Variants in PLD5 observed in about 807,000 individuals in gnomAD.
The protein encoded by PLD5 is inactive phospholipase D5.
A neutral mutation model predicts 61.1 loss-of-function variants in PLD5; 36 were observed. The observed-to-expected ratio is 0.59, with a 90% CI of 0.45 to 0.78. The LOEUF (loss-of-function observed/expected upper bound fraction) is 0.78, where lower values mean the gene tolerates loss of function less well. Among genes scored for constraint, PLD5 ranks in the 30% least tolerant of loss-of-function variants. The pLI is 0.00. For synonymous variants in PLD5, 243 were observed against 242.8 expected (o/e 1.00, Z -0.01); for missense variants, 515 against 644.4 (o/e 0.80, Z 2.17).
intron 6 of PLD5, among the ~76,000 whole-genome samples, chr1:242,115,315 T>C (rs901012034): frequency 1.3e-5 from 2 of 152,110 alleles, no homozygotes; most frequent in Non-Finnish European, 2.9e-5. Flanking sequence ...GCCAAAAAGG[T>C]TGAGGACCAC....
chr1:242,178,195 G>A (rs762068991), intron 5 of PLD5: 7 of 151,992 alleles, frequency 4.6e-5, no homozygotes, highest in African/African-American at 1.7e-4. Flanking sequence ...TATTGTGATC[G>A]CCCATATATA....
chr1:242,396,240 T>C (rs1663566031), intron 1 of PLD5, among the ~76,000 whole-genome samples: 1 of 152,206 alleles, frequency 6.6e-6, no homozygotes, highest in African/African-American at 2.4e-5. Flanking sequence ...GGGACTATCC[T>C]GTGCATTGTA....
At chr1:242,408,953 G>GCTA (rs1664392470) in intron 1 of PLD5, among the ~76,000 whole-genome samples, 1 of 152,020 alleles carries the variant, frequency 6.6e-6, no homozygotes, top group Admixed American at 6.5e-5. Flanking sequence ...TGTAATCCCA[G>GCTA]CTACTCGGGA....
intron 1 of PLD5, among the ~76,000 whole-genome samples, chr1:242,371,430 A>T (rs1661624926): frequency 6.6e-6 from 1 of 152,104 alleles, no homozygotes; most frequent in Non-Finnish European, 1.5e-5. Flanking sequence ...TCCTATTAAC[A>T]TGGGAAGACA....
chr1:242,159,894 A>C (rs1422786911), intron 5 of PLD5, among the ~76,000 whole-genome samples: 1 of 152,168 alleles, frequency 6.6e-6, no homozygotes, highest in African/African-American at 2.4e-5. Context: ...GAAAACTCTA[A>C]GATTGGGTGC....
intron 3 of PLD5, among the ~76,000 whole-genome samples, chr1:242,284,119 C>CTTTTTTTTTTTTTTT (rs565165218): frequency 1.3e-5 from 1 of 75,950 alleles, no homozygotes; most frequent in African/African-American, 5.6e-5. Flanking sequence ...TTTCTTTTTC[C>CTTTTTTTTTTTTTTT]TTTTTTTTTT....
chr1:242,375,973 AT>A (rs1160824970), intron 1 of PLD5, among the ~76,000 whole-genome samples: 2 of 152,188 alleles, frequency 1.3e-5, no homozygotes, highest in African/African-American at 2.4e-5. Context: ...AAGTCAACTG[AT>A]TTTTTTCTGT....
intron 5 of PLD5, among the ~76,000 whole-genome samples, chr1:242,208,427 A>G (rs1464812752): frequency 6.6e-6 from 1 of 152,176 alleles, no homozygotes; most frequent in Admixed American, 6.6e-5. Context: ...GAAGAAACCC[A>G]TTTAAATTAA....
In PLD5 at chr1:242,256,522, C is replaced by T. The variant is rs1421051693; in HGVS notation, c.607+8815G>A. On this transcript the variant is annotated intron_variant, in intron 4 of 9. Transcript: ENST00000536534. The surrounding 1 kb of genome is among the most constrained non-coding windows in gnomAD (Gnocchi z 5.7). ...AGGAACAAACTTAGATTCTTTTGTG[C>T]CCTTCTGTCTTATCCGCCACGTGAG... Among the ~76,000 whole-genome samples the T allele has an allele frequency of 6.6e-6, 1 of 152,112 alleles. No individual in the cohort carries two copies. Among genetic ancestry groups the T allele is most frequent in the Non-Finnish European group, 1.5e-5 (1 of 68,042 alleles).
chr1:242,398,612 G>A (rs1663740722), intron 1 of PLD5, among the ~76,000 whole-genome samples: 1 of 152,100 alleles, frequency 6.6e-6, no homozygotes, highest in Admixed American at 6.6e-5. Context: ...AAACAGACTT[G>A]GGAGTTTTGA....
intron 1 of PLD5, among the ~76,000 whole-genome samples, chr1:242,441,701 C>A (rs1329143513): frequency 6.6e-6 from 1 of 152,098 alleles, no homozygotes; most frequent in African/African-American, 2.4e-5. Context: ...AGACACCCCT[C>A]TTCCCGAGGA....
At chr1:242,501,796 A>G (rs1241929583) in intron 1 of PLD5, among the ~76,000 whole-genome samples, 2 of 150,232 alleles carry the variant, frequency 1.3e-5, no homozygotes, top group South Asian at 4.2e-4. Context: ...TCCATTATAT[A>G]TATATATATA....
chr1:242,358,870 T>G (rs1430913023), intron 1 of PLD5, among the ~76,000 whole-genome samples: 1 of 152,124 alleles, frequency 6.6e-6, no homozygotes, highest in Non-Finnish European at 1.5e-5. Context: ...AACATTAAGC[T>G]TCAGTTTATG....
At chr1:242,215,802 G>A (rs1334023751) in intron 5 of PLD5, among the ~76,000 whole-genome samples, 4 of 152,206 alleles carry the variant, frequency 2.6e-5, no homozygotes, top group African/African-American at 4.8e-5. Flanking sequence ...AAGACTGAGC[G>A]AATCCTGCTC....
intron 7 of PLD5, among the ~76,000 whole-genome samples, chr1:242,113,076 C>G (rs930537333): frequency 7.9e-6 from 1 of 125,894 alleles, no homozygotes; most frequent in African/African-American, 3.1e-5. Flanking sequence ...GTTTCTTTCT[C>G]TCTCTCTCTT....
intron 1 of PLD5, among the ~76,000 whole-genome samples, chr1:242,381,346 G>A (rs1483107539): frequency 3.9e-5 from 6 of 151,986 alleles, no homozygotes; most frequent in Non-Finnish European, 7.4e-5. Flanking sequence ...GGAGCTGAAC[G>A]ATACATGGAC....
At chr1:242,164,744 TAA>T (rs1666177218) in intron 5 of PLD5, among the ~76,000 whole-genome samples, 1 of 152,210 alleles carries the variant, frequency 6.6e-6, no homozygotes, top group South Asian at 2.1e-4. Flanking sequence ...AAACACTGCC[TAA>T]GTTATCTCAC....
chr1:242,450,051 A>T (rs1392006206), intron 1 of PLD5, among the ~76,000 whole-genome samples: 1 of 152,210 alleles, frequency 6.6e-6, no homozygotes, highest in Non-Finnish European at 1.5e-5. Flanking sequence ...AAATGCAGGG[A>T]CCATGGCTTC....
chr1:242,216,317 T>A (rs1307153432), intron 5 of PLD5, among the ~76,000 whole-genome samples: 1 of 152,144 alleles, frequency 6.6e-6, no homozygotes, highest in Non-Finnish European at 1.5e-5. Context: ...GGAAAAATTT[T>A]AAGATGAAGT....
Sources: allele counts gnomAD v4.1 joint callset (sites outside exome capture counted in the v4.1 genomes callset), GRCh38; gene constraint gnomAD v4.1.1; non-coding constraint Gnocchi (gnomAD v3.1); transcripts MANE v1.5; gene names NCBI Gene and HGNC (gene_info 2026-07-23, HGNC 2026-07-21).